POC1B: variants seen among roughly 807,000 people sequenced by gnomAD.
POC1B encodes POC1 centriolar protein homolog B.
Under a neutral mutation model 60.6 loss-of-function variants are expected in POC1B, and 44 were observed. That is an observed-to-expected ratio of 0.73 (90% confidence interval 0.57 to 0.93). POC1B has a LOEUF of 0.93. Ranked by LOEUF, POC1B falls within the 40% of genes least tolerant of loss-of-function variation. The pLI is 0.00. For synonymous variants in POC1B, 180 were observed against 198.9 expected (o/e 0.90, Z 0.80); for missense variants, 555 against 572.3 (o/e 0.97, Z 0.31).
At chr12:89,437,704 A>G in intron 10 of POC1B, among the ~76,000 whole-genome samples, 1 of 151,306 alleles carries the variant, frequency 6.6e-6, no homozygotes. Flanking sequence ...TCATTTGTAC[A>G]TTCTCATTGC....
At position 89,523,297 on chromosome 12, in the gene POC1B, C is replaced by T. The variant is rs530075677; in HGVS notation, c.100+1823G>A. 1.5e-4 allele frequency: 238 copies of T among 1,614,050 alleles called. No homozygotes were observed. Among genetic ancestry groups the T allele is most frequent in the Admixed American group, 8.8e-4 (53 of 60,032 alleles). On this transcript the variant is annotated intron_variant, in intron 2 of 11. Transcript: ENST00000313546. The stretch of plus-strand genomic sequence containing the variant: ...CCAGTCAAAGCTCTTGCATCTCAAC[C>T]GCTCTCGTAGTAATTTTCTTTCAGA...
intron 4 of POC1B, among the ~76,000 whole-genome samples, chr12:89,486,975 C>T (rs1868670522): frequency 6.6e-6 from 1 of 152,004 alleles, no homozygotes; most frequent in African/African-American, 2.4e-5. Flanking sequence ...TCAGGTATGG[C>T]TGTATCCAGA....
rs774149215 is a variant in POC1B, at chr12:89,471,697, C to T, written c.593G>A (p.Gly198Asp). ...AGAACCTGCTGAAGCTATGCATGTA[C>T]CACTAGGGTTAAAGTCCACAAAATT... ...FANFVDFNPS[G>D]TCIASAGSDQ... Residue 198 changes from glycine to aspartate, a missense_variant, in exon 6 of 12, where the codon GGT (glycine) becomes GAT (aspartate). Coordinates refer to ENST00000313546, the MANE Select transcript of POC1B (RefSeq NM_172240.3). The T allele has an allele frequency of 6.2e-7, 1 of 1,608,480 alleles. No homozygotes were observed. Among genetic ancestry groups the T allele is most frequent in the Non-Finnish European group, 8.5e-7 (1 of 1,177,496 alleles).
chr12:89,501,293 C>A, intron 2 of POC1B: 1 of 1,027,918 alleles, frequency 9.7e-7, no homozygotes, highest in South Asian at 1.3e-5. Context: ...GACTGTAGAT[C>A]TACAAAATAT....
chr12:89,410,058 A>C, the POC1B span, among the ~76,000 whole-genome samples: 31 of 152,342 alleles, frequency 2.0e-4, no homozygotes, highest in African/African-American at 7.2e-4. Flanking sequence ...AATCCTCAAT[A>C]AAATACTGGC....
chr12:89,463,868 T>C (rs1468170636), intron 9 of POC1B, among the ~76,000 whole-genome samples: 3 of 152,176 alleles, frequency 2.0e-5, no homozygotes, highest in Admixed American at 6.5e-5. Context: ...TCTAAGACTC[T>C]GCAGGATTCC....
intron 2 of POC1B, 127 bp downstream of exon 2, chr12:89,524,993 C>G: frequency 7.1e-7 from 1 of 1,403,520 alleles, no homozygotes; most frequent in South Asian, 1.3e-5. Flanking sequence ...GCCCTCGTCT[C>G]CGGGTGCTCT....
In POC1B at chr12:89,525,117, T is replaced by TA; in HGVS notation, c.100+2dup. ...ACAAAAGCAAAACAAGAATAAGACT[T>TA]ACCAAGTTGCTTGCCGTTGGGGCTG... On this transcript the variant is annotated splice_region_variant and intron_variant, in intron 2 of 11. Coordinates refer to ENST00000313546, the MANE Select transcript of POC1B (RefSeq NM_172240.3). The TA allele has an allele frequency of 6.2e-7, 1 of 1,613,990 alleles. No homozygotes were observed.
intron 10 of POC1B, among the ~76,000 whole-genome samples, chr12:89,436,861 C>T (rs1881291508): frequency 6.6e-6 from 1 of 152,118 alleles, no homozygotes; most frequent in South Asian, 2.1e-4. Flanking sequence ...GTTTACGGGT[C>T]ACCCTGTGGG....
At chr12:89,453,000 A>G (rs1238570413) in intron 10 of POC1B, among the ~76,000 whole-genome samples, 2 of 152,148 alleles carry the variant, frequency 1.3e-5, no homozygotes, top group Non-Finnish European at 2.9e-5. Flanking sequence ...CCAGTCTCTA[A>G]TATTTTCTCT....
At chr12:89,523,870 T>A in intron 2 of POC1B, 2 of 1,568,124 alleles carry the variant, frequency 1.3e-6, no homozygotes, top group Non-Finnish European at 1.7e-6. Context: ...ACAGTGACAA[T>A]CCAGGAAAGT....
intron 2 of POC1B, chr12:89,501,074 C>T (rs1293517242): frequency 1.7e-5 from 19 of 1,122,828 alleles, no homozygotes; most frequent in Middle Eastern, 2.4e-4. Flanking sequence ...CCAAGAAAGG[C>T]GGGGCCTCTG....
intron 10 of POC1B, chr12:89,425,643 G>T: frequency 3.8e-6 from 1 of 264,510 alleles, no homozygotes; most frequent in South Asian, 9.3e-5. Flanking sequence ...CTGATCTGAG[G>T]GATCTACCAT....
chr12:89,443,522 G>T (rs1881625888), intron 10 of POC1B, among the ~76,000 whole-genome samples: 1 of 151,794 alleles, frequency 6.6e-6, no homozygotes, highest in African/African-American at 2.4e-5. Flanking sequence ...ATAACGAAAT[G>T]AAGGCAGAAA....
chr12:89,523,117 T>C (rs955762234), intron 2 of POC1B: 7 of 1,613,830 alleles, frequency 4.3e-6, no homozygotes, highest in Non-Finnish European at 3.4e-6. Flanking sequence ...TCCTTGACCA[T>C]GGCATCCAAA....
At chr12:89,512,528 G>A (rs548034195) in intron 2 of POC1B, among the ~76,000 whole-genome samples, 3 of 152,296 alleles carry the variant, frequency 2.0e-5, no homozygotes, top group East Asian at 3.9e-4. Flanking sequence ...AGAGGCCAAG[G>A]CAGAAGGACT....
chr12:89,511,782 C>T (rs1300587365), intron 2 of POC1B, among the ~76,000 whole-genome samples: 5 of 152,120 alleles, frequency 3.3e-5, no homozygotes, highest in African/African-American at 1.2e-4. Flanking sequence ...TGGGGCCTGG[C>T]ATAATGGCTC....
At chr12:89,433,803 G>A (rs1881140564) in intron 10 of POC1B, among the ~76,000 whole-genome samples, 1 of 152,162 alleles carries the variant, frequency 6.6e-6, no homozygotes, top group Admixed American at 6.5e-5. Flanking sequence ...TTTCAGAAGT[G>A]ACTCAGAGTT....
intron 9 of POC1B, among the ~76,000 whole-genome samples, chr12:89,463,808 A>C (rs1362317636): frequency 6.6e-6 from 1 of 152,120 alleles, no homozygotes; most frequent in Non-Finnish European, 1.5e-5. Context: ...CACCCCCTCT[A>C]TCCATGTAGG....
Sources: gnomAD v4.1 joint callset for allele counts (sites outside exome capture counted in the v4.1 genomes callset) on GRCh38, gnomAD v4.1.1 for gene constraint, MANE v1.5 for transcripts, NCBI Gene and HGNC (gene_info 2026-07-23, HGNC 2026-07-21) for gene names.